The following EPB41 variants were observed in gnomAD, a reference collection of about 807,000 sequenced individuals.
EPB41 encodes the protein erythrocyte membrane protein band 4.1.
A neutral mutation model predicts 108.0 loss-of-function variants in EPB41; 65 were observed. The ratio of observed to expected loss-of-function variants is 0.60; its 90% CI spans 0.49 to 0.74. The LOEUF is 0.74. Ranked by LOEUF, EPB41 falls within the 30% of genes least tolerant of loss-of-function variation. The pLI is 0.00. For synonymous variants in EPB41, 336 were observed against 358.9 expected, an observed-to-expected ratio of 0.94 and a Z score of 0.72; for missense variants, 875 against 1,037.0, an observed-to-expected ratio of 0.84 and a Z score of 2.15.
At chr1:29,055,199 G>A (rs970311841) in intron 12 of EPB41, among the ~76,000 whole-genome samples, 3 of 152,172 alleles carry the variant, frequency 2.0e-5, no homozygotes, top group Non-Finnish European at 2.9e-5. Context: ...CAGGTTCACT[G>A]TCAACAATGC....
intron 1 of EPB41, among the ~76,000 whole-genome samples, chr1:28,942,947 A>G (rs929234082): frequency 6.6e-6 from 1 of 152,174 alleles, no homozygotes; most frequent in Non-Finnish European, 1.5e-5. Flanking sequence ...CTGTATCACA[A>G]TATCATGTGA....
At chr1:29,044,134 A>G (rs1642464097) in intron 11 of EPB41, among the ~76,000 whole-genome samples, 1 of 152,208 alleles carries the variant, frequency 6.6e-6, no homozygotes, top group Non-Finnish European at 1.5e-5. Context: ...TGTCCAGTAA[A>G]TCACCTTACT....
At chr1:29,055,942 AAAAAAAAAAAAGGGCCGGGCGCGGTG>A (rs1645317764) in intron 12 of EPB41, among the ~76,000 whole-genome samples, 1 of 148,512 alleles carries the variant, frequency 6.7e-6, no homozygotes, top group African/African-American at 2.5e-5. Flanking sequence ...AAAAAAAAAA[AAAAAAAAAAAAGGGCCGGGCGCGGTG>A]GCTCACGCCT....
chr1:28,983,886 T>C (rs2095813948), intron 1 of EPB41, among the ~76,000 whole-genome samples: 1 of 152,084 alleles, frequency 6.6e-6, no homozygotes, highest in Admixed American at 6.6e-5. Context: ...TGACAGCCTT[T>C]TGTATCTGCA....
At chr1:28,912,132 G>A (rs557996585), upstream of EPB41, among the ~76,000 whole-genome samples, 73 of 152,274 alleles carry the variant, frequency 4.8e-4, no homozygotes, top group Non-Finnish European at 1.9e-4. Context: ...TTCCTTATAT[G>A]TAAAATGAGG....
chr1:29,022,271 A>G (rs1020853642), intron 7 of EPB41, among the ~76,000 whole-genome samples: 3 of 152,098 alleles, frequency 2.0e-5, no homozygotes, highest in African/African-American at 7.2e-5. Flanking sequence ...TCAAAATGCA[A>G]GATAGACCAA....
rs2091982642 is a variant in EPB41, at chr1:28,908,271, G to A, written c.-8+21061G>A. 2.0e-5 allele frequency among the ~76,000 whole-genome samples: 3 copies of A among 151,316 alleles called. No homozygotes were observed. In the South Asian group the frequency reaches 6.3e-4, roughly 32 times the overall value. ...ATGAAAATTAGCTGGGTGTGACGGC[G>A]GGGGCCTGTAATCCCAGCTGCTCGG... On this transcript the variant is annotated intron_variant, in intron 1 of 16. Coordinates refer to the EPB41 transcript ENST00000347529.
Position 28,890,987 on chromosome 1 carries a change from C to T in EPB41, c.-8+3777C>T, listed in dbSNP as rs11807660. Reference sequence around the variant, plus strand: ...GGGAACTGGGGAACAAGCTGTGCTGCCTCTGTTGGGTGGCCCCTGGGGCCA... The same window carrying T: ...GGGAACTGGGGAACAAGCTGTGCTGTCTCTGTTGGGTGGCCCCTGGGGCCA... On this transcript the variant is annotated intron_variant, in intron 1 of 16. Coordinates refer to the EPB41 transcript ENST00000347529. The T allele has an allele frequency of 1.6e-3, 1,590 of 985,418 alleles. 19 individuals are homozygous for T. The African/African-American group carries it at 0.026, about 16-fold the overall frequency. The allele number at this position is 985,418 out of a possible 1,614,324, so 61.0% of individuals were successfully genotyped here. A position where few individuals can be genotyped will look rare whatever the true frequency, so the allele number is the denominator to read the frequency against.
chr1:29,035,420 T>C lies in EPB41; in HGVS notation c.1366-406T>C, dbSNP rs377236151. Among the ~76,000 whole-genome samples, 6 of 152,210 alleles carry C rather than the reference T, an allele frequency of 3.9e-5. No individual in the cohort carries two copies. The East Asian group carries it at 9.6e-4, about 24-fold the overall frequency. On this transcript the variant is annotated intron_variant, in intron 9 of 20. Transcript: ENST00000343067. Reference sequence around the variant, plus strand: ...ATTACTAATTTCTATTGCATAATAATATTGATTGATTGGAGGACTTGGTCA... The same window carrying C: ...ATTACTAATTTCTATTGCATAATAACATTGATTGATTGGAGGACTTGGTCA...
chr1:29,043,346 G>C lies in EPB41; in HGVS notation c.1636+3920G>C, dbSNP rs572665903. Among the ~76,000 whole-genome samples, 3 of 152,262 alleles carry C rather than the reference G, an allele frequency of 2.0e-5. No homozygotes were observed. In the East Asian group the frequency reaches 5.8e-4, roughly 29 times the overall value. ...TCTGGGGAAAGAGCCTTGCAGAAGA[G>C]GGAGTAGCAAGTACAAAGTCCTGAA... On this transcript the variant is annotated intron_variant, in intron 11 of 20. Transcript: ENST00000343067.
At chr1:29,106,374 G>C (rs541925611) in intron 17 of EPB41, among the ~76,000 whole-genome samples, 1 of 152,124 alleles carries the variant, frequency 6.6e-6, no homozygotes, top group South Asian at 2.1e-4. Flanking sequence ...AATTTTATTT[G>C]TATAATTTCT....
At chr1:29,096,398 A>G (rs1435442272) in intron 16 of EPB41, 9 of 985,834 alleles carry the variant, frequency 9.1e-6, no homozygotes, top group Non-Finnish European at 9.6e-6. Context: ...AAGAGGCCCA[A>G]CTGGGGGATG....
chr1:29,061,719 A>G (rs1346278312), intron 15 of EPB41, among the ~76,000 whole-genome samples: 1 of 150,896 alleles, frequency 6.6e-6, no homozygotes, highest in Non-Finnish European at 1.5e-5. Flanking sequence ...AGCTGGGGCT[A>G]TGGGTGCATG....
At chr1:29,103,946 C>T (rs896286064) in intron 17 of EPB41, among the ~76,000 whole-genome samples, 8 of 152,258 alleles carry the variant, frequency 5.3e-5, no homozygotes, top group Non-Finnish European at 1.2e-4. Context: ...GGATTACAGG[C>T]GTGATCCACT....
At chr1:29,077,846 A>C (rs564610452) in intron 16 of EPB41, among the ~76,000 whole-genome samples, 1 of 152,334 alleles carries the variant, frequency 6.6e-6, no homozygotes, top group East Asian at 1.9e-4. Flanking sequence ...ATTTTGTATA[A>C]TTTTACATAT....
intron 16 of EPB41, 175 bp downstream of exon 16, chr1:29,065,333 G>A (rs1573445472): frequency 8.1e-7 from 1 of 1,239,000 alleles, no homozygotes; most frequent in Non-Finnish European, 1.1e-6. Flanking sequence ...TTTAAGTCAG[G>A]TAGGCTACCC....
intron 4 of EPB41, among the ~76,000 whole-genome samples, chr1:29,001,119 C>G (rs1199348824): frequency 6.6e-6 from 1 of 152,122 alleles, no homozygotes; most frequent in Non-Finnish European, 1.5e-5. Flanking sequence ...GGGTGGATCA[C>G]CTGAGTTCGT....
intron 16 of EPB41, chr1:29,070,928 G>A (rs1326420142): frequency 4.4e-6 from 1 of 228,436 alleles, no homozygotes; most frequent in East Asian, 8.7e-5. Flanking sequence ...CATGTTTACT[G>A]TTTACTATTG....
At chr1:29,036,008 G>A (rs1639282925) in intron 10 of EPB41, 85 bp downstream of exon 10, 2 of 985,186 alleles carry the variant, frequency 2.0e-6, no homozygotes, top group Admixed American at 1.9e-5. Flanking sequence ...TCCTTTCATT[G>A]TATGACTGGC....
Sources: allele counts gnomAD v4.1 joint callset (sites outside exome capture counted in the v4.1 genomes callset), GRCh38; gene constraint gnomAD v4.1.1; transcripts MANE v1.5; gene names NCBI Gene and HGNC (gene_info 2026-07-23, HGNC 2026-07-21).